ZCCHC17: variants seen among roughly 807,000 people sequenced by gnomAD.
ZCCHC17 encodes zinc finger CCHC domain-containing protein 17.
A neutral mutation model predicts 30.6 loss-of-function variants in ZCCHC17; 18 were observed. The ratio of observed to expected loss-of-function variants is 0.59; its 90% CI spans 0.41 to 0.87. The LOEUF is 0.87. Among genes scored for constraint, ZCCHC17 ranks in the 40% least tolerant of loss-of-function variants. The pLI is 0.00. For synonymous variants in ZCCHC17, 88 were observed against 92.4 expected (o/e 0.95, Z 0.27); for missense variants, 263 against 284.2 (o/e 0.93, Z 0.54).
chr1:31,328,532 AAATT>A (rs1285746340), intron 3 of ZCCHC17, among the ~76,000 whole-genome samples: 1 of 148,656 alleles, frequency 6.7e-6, no homozygotes. Flanking sequence ...AAATAAATAA[AAATT>A]AAACTTTATC....
Position 31,338,953 on chromosome 1 carries a change from T to A in ZCCHC17, c.226-4T>A. On this transcript the variant is annotated splice_polypyrimidine_tract_variant and splice_region_variant and intron_variant, in intron 4 of 7. Transcript: ENST00000344147. ...TTTTGGTGACTTTTTTTGGTCTCTTTCAGATGAAAAATGATAGAATAAAAG... is the reference window on the plus strand; with the variant it reads ...TTTTGGTGACTTTTTTTGGTCTCTTACAGATGAAAAATGATAGAATAAAAG... 1 of 1,599,330 alleles carries A rather than the reference T, an allele frequency of 6.3e-7. No homozygotes were observed. The highest frequency in any genetic ancestry group is 8.5e-7 in the Non-Finnish European group (1 of 1,176,116).
Position 31,305,920 on chromosome 1 carries a change from G to A in ZCCHC17, c.-55-4124G>A, listed in dbSNP as rs184576659. 1.9e-3 allele frequency among the ~76,000 whole-genome samples: 286 copies of A among 152,174 alleles called. 2 individuals carry two copies. Among genetic ancestry groups the A allele is most frequent in the South Asian group, 1.0e-2 (48 of 4,816 alleles). ...TTATAGTCATACCCCCTTGTTCATG[G>A]GGGATACATTCCAAGACCCCCATTG... is the stretch of plus-strand genomic sequence containing the variant. On this transcript the variant is annotated intron_variant, in intron 1 of 7. Coordinates refer to ENST00000344147, the MANE Select transcript of ZCCHC17 (RefSeq NM_016505.4).
chr1:31,340,631 T>G (rs528055969), intron 5 of ZCCHC17, among the ~76,000 whole-genome samples: 6 of 152,350 alleles, frequency 3.9e-5, no homozygotes, highest in Admixed American at 2.6e-4. Context: ...GAGGGTTTAT[T>G]AACTGTTTTT....
At position 31,346,714 on chromosome 1, in the gene ZCCHC17, C is replaced by A; in HGVS notation, c.392C>A (p.Thr131Asn). ...ATCACCCTTGAGGCTGTCTTGAACA[C>A]TACCTGCAAGAAGTGTGGCTGTAAA... ...QKITLEAVLNTTCKKCGCKGH... is the reference protein window; with the variant it reads ...QKITLEAVLNNTCKKCGCKGH... Residue 131 changes from threonine (T) to asparagine (N), a missense_variant, in exon 6 of 8, where the codon ACT becomes AAT. Coordinates refer to ENST00000344147, the MANE Select transcript of ZCCHC17 (RefSeq NM_016505.4). 1 of 1,614,178 alleles carries A rather than the reference C, an allele frequency of 6.2e-7. No individual in the cohort carries two copies. The highest frequency in any genetic ancestry group is 8.5e-7 in the Non-Finnish European group (1 of 1,180,032).
chr1:31,319,562 A>T (rs1335293161), intron 3 of ZCCHC17, among the ~76,000 whole-genome samples: 1 of 152,190 alleles, frequency 6.6e-6, no homozygotes, highest in African/African-American at 2.4e-5. Context: ...ATACAAACAT[A>T]TATAATATAT....
intron 2 of ZCCHC17, among the ~76,000 whole-genome samples, chr1:31,318,431 A>G (rs1446230757): frequency 1.3e-5 from 2 of 152,176 alleles, no homozygotes; most frequent in African/African-American, 4.8e-5. Context: ...TTGGTTGCCT[A>G]TTACATAGAC....
intron 1 of ZCCHC17, among the ~76,000 whole-genome samples, chr1:31,304,324 C>G (rs1310093505): frequency 6.6e-6 from 1 of 150,466 alleles, no homozygotes; most frequent in Non-Finnish European, 1.5e-5. Context: ...GGTGGAGTTG[C>G]CCAGGGTGGA....
chr1:31,319,307 C>A, intron 3 of ZCCHC17, 141 bp downstream of exon 3: 3 of 650,698 alleles, frequency 4.6e-6, no homozygotes, highest in Non-Finnish European at 7.6e-6. Context: ...GATATGAATA[C>A]AAGATGACAG....
In ZCCHC17 at chr1:31,359,983, C is replaced by CTT. The variant is rs10711140; in HGVS notation, c.565-4036_565-4035dup. 2.8e-3 allele frequency among the ~76,000 whole-genome samples: 405 copies of CTT among 145,278 alleles called. 3 individuals carry two copies. The highest frequency in any genetic ancestry group is 9.5e-3 in the African/African-American group (376 of 39,570). ...CCCAACTTTGCTTTTGAACTACAAC[C>CTT]TTTTTTTTTTTTTTGAGACGGAGTT... On this transcript the variant is annotated intron_variant, in intron 7 of 7. Transcript: ENST00000344147.
At chr1:31,308,395 G>T (rs753576092) in intron 1 of ZCCHC17, among the ~76,000 whole-genome samples, 1 of 152,228 alleles carries the variant, frequency 6.6e-6, no homozygotes, top group African/African-American at 2.4e-5. Flanking sequence ...TCTGTTTCAA[G>T]TGAAGCTGTC....
At chr1:31,324,922 G>A (rs1466616164) in intron 3 of ZCCHC17, among the ~76,000 whole-genome samples, 1 of 152,226 alleles carries the variant, frequency 6.6e-6, no homozygotes, top group Non-Finnish European at 1.5e-5. Flanking sequence ...CAGGCTGTCA[G>A]TTCCAGGTGG....
At chr1:31,344,044 G>T (rs1018960264) in intron 5 of ZCCHC17, among the ~76,000 whole-genome samples, 1 of 151,630 alleles carries the variant, frequency 6.6e-6, no homozygotes, top group Admixed American at 6.6e-5. Context: ...TAGTAGAGAC[G>T]GGGTTTCTCC....
intron 6 of ZCCHC17, among the ~76,000 whole-genome samples, chr1:31,347,678 T>C (rs534115075): frequency 1.3e-5 from 2 of 152,268 alleles, no homozygotes; most frequent in Admixed American, 1.3e-4. Context: ...AGTGTTATGA[T>C]CATGGCTCAC....
At chr1:31,358,307 A>G (rs1370398287) in intron 7 of ZCCHC17, among the ~76,000 whole-genome samples, 1 of 152,190 alleles carries the variant, frequency 6.6e-6, no homozygotes, top group African/African-American at 2.4e-5. Flanking sequence ...GATTGGGAGG[A>G]TTTCATCTTT....
chr1:31,356,884 A>G (rs924337616), intron 7 of ZCCHC17, among the ~76,000 whole-genome samples: 1 of 152,230 alleles, frequency 6.6e-6, no homozygotes, highest in African/African-American at 2.4e-5. Context: ...GTGTGTTGCA[A>G]TTGGAAATGG....
At chr1:31,326,265 G>C (rs1638339877) in intron 3 of ZCCHC17, among the ~76,000 whole-genome samples, 1 of 151,942 alleles carries the variant, frequency 6.6e-6, no homozygotes, top group African/African-American at 2.4e-5. Context: ...TTTGACTTCT[G>C]GAAATTTTTT....
intron 3 of ZCCHC17, 128 bp downstream of exon 3, chr1:31,319,294 A>G (rs4949384): frequency 0.54 from 401,056 of 740,896 alleles, 117,900 homozygotes; most frequent in Non-Finnish European, 0.63. Flanking sequence ...TTTTTAATGT[A>G]TAGATATGAA....
At chr1:31,347,952 A>C (rs529251066) in intron 6 of ZCCHC17, among the ~76,000 whole-genome samples, 3 of 152,070 alleles carry the variant, frequency 2.0e-5, no homozygotes, top group Non-Finnish European at 4.4e-5. Flanking sequence ...CTGTGCCCCT[A>C]AGACAGGATC....
At chr1:31,356,618 T>C (rs1639651755) in intron 7 of ZCCHC17, among the ~76,000 whole-genome samples, 1 of 152,156 alleles carries the variant, frequency 6.6e-6, no homozygotes, top group Non-Finnish European at 1.5e-5. Context: ...GATTGCAGAG[T>C]AATAGGTATT....
Sources: allele counts gnomAD v4.1 joint callset (sites outside exome capture counted in the v4.1 genomes callset), GRCh38; gene constraint gnomAD v4.1.1; transcripts MANE v1.5; gene names NCBI Gene and HGNC (gene_info 2026-07-23, HGNC 2026-07-21).